The following TAMM41 variants were observed in gnomAD, a reference collection of about 807,000 sequenced individuals.
TAMM41 encodes TAM41 mitochondrial translocator assembly and maintenance homolog.
Under a neutral mutation model 44.1 loss-of-function variants are expected in TAMM41, and 36 were observed. The observed-to-expected ratio is 0.82, with a 90% CI of 0.63 to 1.08. The LOEUF is 1.08. TAMM41 is among the 50% of genes least tolerant of loss of function. TAMM41 has a pLI of 0.00. For synonymous variants in TAMM41, 164 were observed against 153.1 expected, an observed-to-expected ratio of 1.07 and a Z score of -0.53; for missense variants, 417 against 404.3, an observed-to-expected ratio of 1.03 and a Z score of -0.27.
chr3:11,792,971 G>A (rs1297814778), intron 7 of TAMM41, among the ~76,000 whole-genome samples: 1 of 146,070 alleles, frequency 6.8e-6, no homozygotes, highest in Non-Finnish European at 1.5e-5. Flanking sequence ...TGGGACAGGG[G>A]AATCGCTTGA....
At chr3:11,725,266 T>C in the TAMM41 span, among the ~76,000 whole-genome samples, 2 of 139,154 alleles carry the variant, frequency 1.4e-5, no homozygotes, top group African/African-American at 2.7e-5. Flanking sequence ...TCTCCTTTTC[T>C]TCCTCCCTCT....
the TAMM41 span, among the ~76,000 whole-genome samples, chr3:11,750,581 A>T: frequency 1.3e-5 from 2 of 152,078 alleles, no homozygotes; most frequent in Non-Finnish European, 2.9e-5. Context: ...AAACTCTGGG[A>T]TTACAGGTGT....
At chr3:11,810,823 G>A (rs182288234) in intron 5 of TAMM41, 1 of 152,194 alleles carries the variant, frequency 6.6e-6, no homozygotes, top group African/African-American at 2.4e-5. Flanking sequence ...CAACAGTTTG[G>A]GAGGCTGAGG....
intron 3 of TAMM41, among the ~76,000 whole-genome samples, chr3:11,836,136 G>C (rs1263034591): frequency 6.6e-6 from 1 of 151,830 alleles, no homozygotes; most frequent in Non-Finnish European, 1.5e-5. Flanking sequence ...GATTACAGGT[G>C]CATGCCGCAA....
downstream of TAMM41, among the ~76,000 whole-genome samples, chr3:11,788,438 A>G (rs1265052180): frequency 6.6e-6 from 1 of 152,062 alleles, no homozygotes; most frequent in Admixed American, 6.6e-5. Flanking sequence ...GGCATGTGCC[A>G]CCACATCTAG....
chr3:11,751,456 C>A, the TAMM41 span, among the ~76,000 whole-genome samples: 1 of 152,146 alleles, frequency 6.6e-6, no homozygotes, highest in Non-Finnish European at 1.5e-5. Context: ...TTTGGCCCCA[C>A]GAATAGCACT....
intron 7 of TAMM41, chr3:11,807,238 A>C (rs1234035889): frequency 1.3e-5 from 18 of 1,433,096 alleles, no homozygotes; most frequent in Non-Finnish European, 1.6e-5. Flanking sequence ...CCATACCATC[A>C]AACTGAAAAC....
intron 3 of TAMM41, among the ~76,000 whole-genome samples, chr3:11,837,615 A>C (rs184611765): frequency 2.1e-4 from 32 of 152,294 alleles, no homozygotes; most frequent in African/African-American, 7.5e-4. Flanking sequence ...AAAGAGAATA[A>C]AAGGGATGGG....
intron 7 of TAMM41, chr3:11,807,516 T>C: frequency 1.3e-6 from 2 of 1,536,086 alleles, no homozygotes; most frequent in Non-Finnish European, 1.7e-6. Flanking sequence ...GATGCTGCTG[T>C]TTTTGCAATC....
rs554468601 is a variant in TAMM41 at position 11,840,482 on chromosome 3, G to A, written c.319-1168C>T. Among the ~76,000 whole-genome samples, 43 of 152,040 alleles carry A rather than the reference G, an allele frequency of 2.8e-4. 1 individual carries two copies. Among genetic ancestry groups the A allele is most frequent in the Admixed American group, 6.6e-4 (10 of 15,252 alleles). ...ACTCCTGACCTCAGGTGATCCACTC[G>A]CCTCGGCCTCCAAAAGTGTTGGGAT... On this transcript the variant is annotated intron_variant, in intron 2 of 7. Coordinates refer to ENST00000455809, the MANE Select transcript of TAMM41 (RefSeq NM_001284401.2).
chr3:11,735,640 G>T, the TAMM41 span, among the ~76,000 whole-genome samples: 1 of 151,832 alleles, frequency 6.6e-6, no homozygotes. Context: ...ATTTCAAAAA[G>T]GAAACAAAAA....
the TAMM41 span, among the ~76,000 whole-genome samples, chr3:11,754,614 C>T: frequency 1.3e-5 from 2 of 152,022 alleles, no homozygotes; most frequent in South Asian, 4.2e-4. Context: ...AAAGATCCTC[C>T]TGCCTTGAAC....
chr3:11,801,778 C>T (rs946436526), intron 7 of TAMM41, among the ~76,000 whole-genome samples: 9 of 151,996 alleles, frequency 5.9e-5, no homozygotes, highest in Admixed American at 1.3e-4. Flanking sequence ...CAACCTAATG[C>T]CATACCTCAA....
intron 2 of TAMM41, among the ~76,000 whole-genome samples, chr3:11,843,073 G>C (rs550945627): frequency 6.6e-6 from 1 of 152,136 alleles, no homozygotes; most frequent in Non-Finnish European, 1.5e-5. Context: ...CAAATTCCAC[G>C]CGTCTCCTGG....
At position 11,844,442 on chromosome 3, in the gene TAMM41, C is replaced by T. The variant is rs73813063; in HGVS notation, c.136-231G>A. Among the ~76,000 whole-genome samples the T allele has an allele frequency of 6.9e-3, 1,048 of 152,316 alleles. 13 individuals carry two copies. Among genetic ancestry groups the T allele is most frequent in the African/African-American group, 0.023 (943 of 41,562 alleles). On this transcript the variant is annotated intron_variant, in intron 1 of 7. Transcript: ENST00000455809. ...TTGTTGTGCCAGCACTCTTTAAACA[C>T]TTTATGGGTAACATACGCAGTCACT...
chr3:11,734,008 A>G, the TAMM41 span, among the ~76,000 whole-genome samples: 2 of 151,158 alleles, frequency 1.3e-5, no homozygotes, highest in African/African-American at 4.9e-5. Flanking sequence ...GTCCTTCCTC[A>G]TTATGTGGGC....
the TAMM41 span, among the ~76,000 whole-genome samples, chr3:11,746,032 C>T: frequency 0.035 from 5,292 of 152,150 alleles, 277 homozygotes; most frequent in African/African-American, 0.12. Context: ...CGGGCGCGGT[C>T]GCTCACGCCT....
At chr3:11,762,182 C>T in the TAMM41 span, among the ~76,000 whole-genome samples, 14 of 152,170 alleles carry the variant, frequency 9.2e-5, no homozygotes, top group South Asian at 2.1e-4. Flanking sequence ...TTACATGTTT[C>T]AGTATAGTGG....
At chr3:11,725,425 T>TTCCTCCTCC in the TAMM41 span, among the ~76,000 whole-genome samples, 13 of 68,104 alleles carry the variant, frequency 1.9e-4, no homozygotes, top group Middle Eastern at 7.5e-3. Flanking sequence ...TTCTTCTTCT[T>TTCCTCCTCC]TCCTCCTCCT....
Sources: allele counts gnomAD v4.1 joint callset (sites outside exome capture counted in the v4.1 genomes callset), GRCh38; gene constraint gnomAD v4.1.1; transcripts MANE v1.5; gene names NCBI Gene and HGNC (gene_info 2026-07-23, HGNC 2026-07-21).